The following KCNIP4 variants were observed in gnomAD, a reference collection of about 807,000 sequenced individuals.
The protein encoded by KCNIP4 is potassium voltage-gated channel interacting protein 4.
A neutral mutation model predicts 34.0 loss-of-function variants in KCNIP4; 12 were observed. The observed-to-expected ratio is 0.35, with a 90% CI of 0.23 to 0.57. The LOEUF is 0.57. Among genes scored for constraint, KCNIP4 ranks in the 20% least tolerant of loss-of-function variants. The pLI is 0.83. For synonymous variants in KCNIP4, 124 were observed against 102.2 expected, an observed-to-expected ratio of 1.21 and a Z score of -1.29; for missense variants, 238 against 311.7, an observed-to-expected ratio of 0.76 and a Z score of 1.78.
At chr4:20,999,438 G>T (rs202098917) in intron 1 of KCNIP4, among the ~76,000 whole-genome samples, 1,798 of 45,336 alleles carry the variant, frequency 0.04, 99 homozygotes, top group Middle Eastern at 0.094. Flanking sequence ...TTTGTTTTTT[G>T]TTTTTTTTTT....
chr4:21,250,921 A>C (rs1432615560), intron 1 of KCNIP4, among the ~76,000 whole-genome samples: 1 of 150,884 alleles, frequency 6.6e-6, no homozygotes, highest in African/African-American at 2.4e-5. Context: ...TATTATATGC[A>C]TATATTTAAA....
At chr4:21,308,298 T>C (rs977529388) in intron 1 of KCNIP4, among the ~76,000 whole-genome samples, 4 of 152,152 alleles carry the variant, frequency 2.6e-5, no homozygotes, top group African/African-American at 9.7e-5. Flanking sequence ...GGAAGTGTTG[T>C]GAGGATTAGG....
chr4:21,751,682 T>A (rs568472672), intron 1 of KCNIP4, among the ~76,000 whole-genome samples: 1 of 151,652 alleles, frequency 6.6e-6, no homozygotes, highest in Admixed American at 6.6e-5. Context: ...CATTTGTGCC[T>A]GCCAGGTAAT....
intron 1 of KCNIP4, among the ~76,000 whole-genome samples, chr4:21,761,061 A>T (rs1253485468): frequency 1.3e-5 from 2 of 152,100 alleles, no homozygotes; most frequent in Non-Finnish European, 2.9e-5. Context: ...TTGAAAGGAG[A>T]GTGTGTACCT....
At chr4:21,334,904 G>T (rs1716023104) in intron 1 of KCNIP4, among the ~76,000 whole-genome samples, 1 of 152,064 alleles carries the variant, frequency 6.6e-6, no homozygotes, top group Admixed American at 6.6e-5. Flanking sequence ...TCAATCACCA[G>T]TTGACAGACT....
At chr4:20,774,361 T>C (rs1275620411) in intron 3 of KCNIP4, among the ~76,000 whole-genome samples, 1 of 152,078 alleles carries the variant, frequency 6.6e-6, no homozygotes, top group Non-Finnish European at 1.5e-5. Flanking sequence ...GCTTTTAGAA[T>C]CTAACAGCCC....
chr4:21,849,562 C>T (rs1168540757), intron 1 of KCNIP4: 1 of 151,980 alleles, frequency 6.6e-6, no homozygotes, highest in African/African-American at 2.4e-5. Flanking sequence ...AAAAATCAAT[C>T]CAAAATATTG....
chr4:21,828,704 A>C (rs55784118), intron 1 of KCNIP4, among the ~76,000 whole-genome samples: 9,454 of 152,016 alleles, frequency 0.062, 1,004 homozygotes, highest in African/African-American at 0.22. Context: ...CCATGAAATC[A>C]TGTCTCCGAG....
intron 1 of KCNIP4, among the ~76,000 whole-genome samples, chr4:21,267,331 G>A (rs1423255999): frequency 2.7e-5 from 4 of 150,894 alleles, no homozygotes; most frequent in Non-Finnish European, 4.4e-5. Context: ...GACTAACCTC[G>A]GGTCCTGCAT....
At chr4:21,209,861 AT>A (rs1322657946) in intron 1 of KCNIP4, among the ~76,000 whole-genome samples, 2 of 152,224 alleles carry the variant, frequency 1.3e-5, no homozygotes, top group Non-Finnish European at 2.9e-5. Context: ...AGTAAATCAA[AT>A]TTTAAGTACA....
chr4:21,226,652 G>C (rs1002068253), intron 1 of KCNIP4, among the ~76,000 whole-genome samples: 1 of 152,062 alleles, frequency 6.6e-6, no homozygotes, highest in African/African-American at 2.4e-5. Context: ...TAGTTAAGAG[G>C]CAATGATGAA....
intron 1 of KCNIP4, among the ~76,000 whole-genome samples, chr4:21,460,163 C>T (rs900065621): frequency 4.1e-5 from 6 of 147,908 alleles, no homozygotes; most frequent in Non-Finnish European, 9.0e-5. Flanking sequence ...TCATTCTGTT[C>T]CAGCTCTTTG....
chr4:21,144,351 C>T lies in KCNIP4; in HGVS notation c.62-261642G>A, dbSNP rs529821505. Among the ~76,000 whole-genome samples the T allele has an allele frequency of 5.5e-4, 84 of 152,230 alleles. 1 individual carries two copies. The South Asian group carries it at 0.017, about 31-fold the overall frequency. ...GTCATTATTTTACCCTTTTATAAAA[C>T]ATATCATTTAATAGAGATACATTCA... is the stretch of plus-strand genomic sequence containing the variant. On this transcript the variant is annotated intron_variant, in intron 1 of 8. Coordinates refer to ENST00000382152, the MANE Select transcript of KCNIP4 (RefSeq NM_025221.6).
At chr4:21,538,825 T>A (rs1014089948) in intron 1 of KCNIP4, among the ~76,000 whole-genome samples, 4 of 152,184 alleles carry the variant, frequency 2.6e-5, no homozygotes, top group Non-Finnish European at 5.9e-5. Context: ...AAAACTGTTA[T>A]CACAAAACTG....
chr4:21,679,666 T>C (rs1750189538), intron 1 of KCNIP4, among the ~76,000 whole-genome samples: 2 of 152,220 alleles, frequency 1.3e-5, no homozygotes, highest in Non-Finnish European at 2.9e-5. Flanking sequence ...GAATTTTCTA[T>C]ATATACGCAT....
At chr4:21,651,036 A>C (rs891353381) in intron 1 of KCNIP4, among the ~76,000 whole-genome samples, 2 of 152,168 alleles carry the variant, frequency 1.3e-5, no homozygotes, top group Admixed American at 1.3e-4. Flanking sequence ...CTGTTACCAT[A>C]AAGAGCCTTG....
chr4:21,508,654 G>T (rs1460870666), intron 1 of KCNIP4, among the ~76,000 whole-genome samples: 1 of 152,188 alleles, frequency 6.6e-6, no homozygotes, highest in Non-Finnish European at 1.5e-5. Flanking sequence ...GAAATACTGA[G>T]GGAAGCATTT....
intron 1 of KCNIP4, among the ~76,000 whole-genome samples, chr4:21,175,481 A>G (rs1754339291): frequency 6.6e-6 from 1 of 152,150 alleles, no homozygotes; most frequent in Non-Finnish European, 1.5e-5. Context: ...CTTACCCTAG[A>G]TTTTAGCAAC....
At chr4:20,868,659 T>C (rs1451933391) in intron 2 of KCNIP4, among the ~76,000 whole-genome samples, 1 of 151,968 alleles carries the variant, frequency 6.6e-6, no homozygotes, top group African/African-American at 2.4e-5. Flanking sequence ...TATGCAGCCA[T>C]TAAAAAAGAA....
Sources: allele counts gnomAD v4.1 joint callset (sites outside exome capture counted in the v4.1 genomes callset), GRCh38; gene constraint gnomAD v4.1.1; transcripts MANE v1.5; gene names NCBI Gene and HGNC (gene_info 2026-07-23, HGNC 2026-07-21).